Variants in FOCAD observed in about 807,000 individuals in gnomAD.
FOCAD encodes KIAA1797.
Under a neutral mutation model 225.6 loss-of-function variants are expected in FOCAD, and 198 were observed. That is an observed-to-expected ratio of 0.88 (90% CI 0.78 to 0.99). FOCAD has a LOEUF of 0.99. FOCAD is among the 50% of genes least tolerant of loss of function. FOCAD has a pLI of 0.00. For synonymous variants in FOCAD, 897 were observed against 755.0 expected (o/e 1.19, Z -3.08); for missense variants, 2,713 against 2,123.6 (o/e 1.28, Z -5.46).
intron 11 of FOCAD, among the ~76,000 whole-genome samples, chr9:20,790,401 C>T (rs1480118675): frequency 6.6e-6 from 1 of 152,112 alleles, no homozygotes; most frequent in Non-Finnish European, 1.5e-5. Context: ...AAGAAACCTT[C>T]CATCTCCCAA....
intron 15 of FOCAD, among the ~76,000 whole-genome samples, chr9:20,837,543 G>C (rs965707854): frequency 6.0e-5 from 9 of 150,080 alleles, no homozygotes; most frequent in African/African-American, 2.2e-4. Flanking sequence ...TAATGGGTAG[G>C]GTTTTTTTTT....
chr9:20,959,935 A>G (rs934931444), intron 35 of FOCAD, among the ~76,000 whole-genome samples: 4 of 152,214 alleles, frequency 2.6e-5, no homozygotes, highest in African/African-American at 9.7e-5. Flanking sequence ...TCTCAAACAT[A>G]AAAAAGTTGT....
intron 28 of FOCAD, among the ~76,000 whole-genome samples, chr9:20,942,624 T>C (rs550924620): frequency 3.1e-4 from 47 of 152,354 alleles, no homozygotes; most frequent in African/African-American, 1.1e-3. Flanking sequence ...CTCTCTACTC[T>C]AGACTCTTAA....
At chr9:20,956,637 G>C (rs1304321396) in intron 35 of FOCAD, among the ~76,000 whole-genome samples, 1 of 152,104 alleles carries the variant, frequency 6.6e-6, no homozygotes, top group Non-Finnish European at 1.5e-5. Flanking sequence ...AGTAAGAAAA[G>C]AATCCTATTG....
intron 23 of FOCAD, among the ~76,000 whole-genome samples, chr9:20,915,882 C>T (rs1192045534): frequency 6.6e-6 from 1 of 152,078 alleles, no homozygotes; most frequent in Non-Finnish European, 1.5e-5. Context: ...AAATATTCCA[C>T]ACTGACCAAT....
chr9:20,957,419 T>G (rs1200352089), intron 35 of FOCAD: 1 of 151,956 alleles, frequency 6.6e-6, no homozygotes. Flanking sequence ...ATAATAAACT[T>G]AATCATTTTC....
chr9:20,881,514 A>C (rs1417549762), intron 19 of FOCAD, among the ~76,000 whole-genome samples: 3 of 152,224 alleles, frequency 2.0e-5, no homozygotes, highest in African/African-American at 4.8e-5. Flanking sequence ...TCAGTAAACT[A>C]GTTTTTACAT....
At chr9:20,961,003 T>C (rs1838662727) in intron 35 of FOCAD, among the ~76,000 whole-genome samples, 1 of 152,104 alleles carries the variant, frequency 6.6e-6, no homozygotes, top group Non-Finnish European at 1.5e-5. Flanking sequence ...TTGATGGACA[T>C]TTGGGTTGGT....
intron 6 of FOCAD, among the ~76,000 whole-genome samples, chr9:20,759,583 A>G (rs1563955051): frequency 2.0e-5 from 3 of 152,314 alleles, no homozygotes; most frequent in East Asian, 1.9e-4. Flanking sequence ...AAAGACTTAC[A>G]TGTTAGACCT....
chr9:20,767,819 CTTTAG>C (rs1284823333), intron 7 of FOCAD, among the ~76,000 whole-genome samples: 1 of 150,328 alleles, frequency 6.7e-6, no homozygotes, highest in Non-Finnish European at 1.5e-5. Flanking sequence ...TGCAGAAGCT[CTTTAG>C]TTTAATTAGA....
chr9:20,860,749 G>A (rs1828700448), intron 15 of FOCAD, among the ~76,000 whole-genome samples: 1 of 152,210 alleles, frequency 6.6e-6, no homozygotes, highest in Admixed American at 6.5e-5. Flanking sequence ...GACCTTAAGT[G>A]ATCCACCCAC....
chr9:20,983,848 G>C (rs1310694769), intron 39 of FOCAD, among the ~76,000 whole-genome samples: 1 of 152,026 alleles, frequency 6.6e-6, no homozygotes, highest in Admixed American at 6.6e-5. Flanking sequence ...TTGAGTATTT[G>C]GAATACTGCC....
At chr9:20,700,316 A>C (rs1563889919) in intron 1 of FOCAD, among the ~76,000 whole-genome samples, 1 of 152,172 alleles carries the variant, frequency 6.6e-6, no homozygotes, top group South Asian at 2.1e-4. Flanking sequence ...TAAAGTAACA[A>C]AGACCCATTT....
chr9:20,924,639 T>A (rs1285587406), intron 25 of FOCAD, among the ~76,000 whole-genome samples: 2 of 152,208 alleles, frequency 1.3e-5, no homozygotes, highest in Non-Finnish European at 2.9e-5. Context: ...TCTGTATTCT[T>A]TTTTTGTTGT....
At chr9:20,659,438 G>GAAAGAAAGAAAGAA (rs770359785) in intron 2 of FOCAD, among the ~76,000 whole-genome samples, 2 of 151,394 alleles carry the variant, frequency 1.3e-5, no homozygotes, top group African/African-American at 4.8e-5. Context: ...AAGAAAGAAA[G>GAAAGAAAGAAAGAA]AAAGACAGAC....
At chr9:20,722,986 G>A (rs767254509) in intron 4 of FOCAD, among the ~76,000 whole-genome samples, 19 of 152,138 alleles carry the variant, frequency 1.2e-4, no homozygotes, top group Non-Finnish European at 2.1e-4. Flanking sequence ...GTGTATTTGA[G>A]GTGTAATTAG....
chr9:20,902,513 A>G (rs529714408), intron 21 of FOCAD, among the ~76,000 whole-genome samples: 41 of 152,062 alleles, frequency 2.7e-4, no homozygotes, highest in African/African-American at 9.4e-4. Context: ...ACATTATACA[A>G]AAGAGTTTGG....
intron 15 of FOCAD, among the ~76,000 whole-genome samples, chr9:20,825,447 G>T (rs967420199): frequency 6.6e-6 from 1 of 151,960 alleles, no homozygotes; most frequent in African/African-American, 2.4e-5. Flanking sequence ...TCCATTTCCT[G>T]GTGGCATTTG....
At position 20,740,781 on chromosome 9, in the gene FOCAD, G is replaced by A. The variant is rs17759074; in HGVS notation, c.392+441G>A. Among the ~76,000 whole-genome samples, 263 of 152,280 alleles carry A rather than the reference G, an allele frequency of 1.7e-3. 3 individuals are homozygous for A. The East Asian group carries it at 0.043, about 25-fold the overall frequency. ...CTTAGGCCAAGGTCAGTAGTTAGGAGTGTTGATTTGCCTTTTCTTTGTCAT... is the reference window on the plus strand; with the variant it reads ...CTTAGGCCAAGGTCAGTAGTTAGGAATGTTGATTTGCCTTTTCTTTGTCAT... On this transcript the variant is annotated intron_variant, in intron 5 of 43. Transcript: ENST00000338382.
Sources: allele counts gnomAD v4.1 joint callset (sites outside exome capture counted in the v4.1 genomes callset), GRCh38; gene constraint gnomAD v4.1.1; transcripts MANE v1.5; gene names NCBI Gene and HGNC (gene_info 2026-07-23, HGNC 2026-07-21).